Variants in SDK1 observed in about 807,000 individuals in gnomAD.
SDK1 encodes protein sidekick-1.
In SDK1, 157 loss-of-function variants were observed where a neutral mutation model predicts 245.5. That is an observed-to-expected ratio of 0.64 (90% confidence interval 0.56 to 0.73). The LOEUF is 0.73. Ranked by LOEUF, SDK1 falls within the 30% of genes least tolerant of loss-of-function variation. The pLI is 0.00. For missense variants in SDK1, 3,583 were observed against 3,002.3 expected, an observed-to-expected ratio of 1.19 and a Z score of -4.52; for synonymous variants, 1,647 against 1,278.5, an observed-to-expected ratio of 1.29 and a Z score of -6.15.
At chr7:3,520,105 G>C (rs1485127675) in intron 1 of SDK1, among the ~76,000 whole-genome samples, 1 of 152,144 alleles carries the variant, frequency 6.6e-6, no homozygotes, top group Non-Finnish European at 1.5e-5. Context: ...ATTGTGTCAG[G>C]CAAGTAAAAA....
rs566642119 is a variant in SDK1, at chr7:4,204,802, G to A, written c.5099-1077G>A. ...CCCAGGGCCCAGCTCATGGACAGCC[G>A]GGAGAGCCCCAGTGGGAGGAGGGAG... On this transcript the variant is annotated intron_variant, in intron 35 of 44. Coordinates refer to ENST00000404826, the MANE Select transcript of SDK1 (RefSeq NM_152744.4). Among the ~76,000 whole-genome samples the A allele has an allele frequency of 1.6e-4, 24 of 152,320 alleles. No individual in the cohort carries two copies. The South Asian group carries it at 1.9e-3, about 12-fold the overall frequency.
In SDK1 at chr7:3,895,641, T is replaced by TTCC. The variant is rs1191659312; in HGVS notation, c.848-55279_848-55277dup. ...TCCGCTGTCCTGAGGCTTCTTCTTC[T>TTCC]TCCTCTTCTTTTCAAGTTGCGTAAA... On this transcript the variant is annotated intron_variant, in intron 5 of 44. Coordinates refer to ENST00000404826, the MANE Select transcript of SDK1 (RefSeq NM_152744.4). Among the ~76,000 whole-genome samples, 20 of 139,424 alleles carry TTCC rather than the reference T, an allele frequency of 1.4e-4. No individual in the cohort carries two copies. In the East Asian group the frequency reaches 3.4e-3, roughly 23 times the overall value. 91.5% of individuals were successfully genotyped at this position (139,424 alleles called of 152,430 possible).
intron 5 of SDK1, among the ~76,000 whole-genome samples, chr7:3,873,925 C>T (rs890801127): frequency 1.3e-5 from 2 of 152,152 alleles, no homozygotes; most frequent in Non-Finnish European, 2.9e-5. Flanking sequence ...GTCCAAGATA[C>T]ATGTCATGTC....
intron 1 of SDK1, among the ~76,000 whole-genome samples, chr7:3,417,777 T>A (rs1013193294): frequency 2.0e-5 from 3 of 152,142 alleles, no homozygotes; most frequent in African/African-American, 4.8e-5. Context: ...GTGAATAAAA[T>A]AGCAGTGTCC....
At position 3,822,081 on chromosome 7, in the gene SDK1, A is replaced by G. The variant is rs73310035; in HGVS notation, c.847+498A>G. 7.2e-3 allele frequency among the ~76,000 whole-genome samples: 1,103 copies of G among 152,330 alleles called. 12 individuals carry two copies. Among genetic ancestry groups the G allele is most frequent in the African/African-American group, 0.025 (1,030 of 41,586 alleles). On this transcript the variant is annotated intron_variant, in intron 5 of 44. Transcript: ENST00000404826. ...ACTGAAAGCCTGATTCTTGAAGACA[A>G]TGCACACAAATCATGGGTATTTGTC...
rs184848306 is a variant in SDK1 at position 3,329,805 on chromosome 7, G to T, written c.298+27921G>T. 3.9e-3 allele frequency among the ~76,000 whole-genome samples: 590 copies of T among 152,270 alleles called. 19 individuals are homozygous for T. Among genetic ancestry groups the T allele is most frequent in the Admixed American group, 0.036 (545 of 15,302 alleles). ...ACTGAACATATGCACACTTATTTTTGTCATTATTCCCTAACCAATGCAGTA... is the reference window on the plus strand; with the variant it reads ...ACTGAACATATGCACACTTATTTTTTTCATTATTCCCTAACCAATGCAGTA... On this transcript the variant is annotated intron_variant, in intron 1 of 44. Transcript: ENST00000404826.
intron 1 of SDK1, among the ~76,000 whole-genome samples, chr7:3,612,009 A>G (rs771521070): frequency 9.9e-5 from 15 of 152,130 alleles, no homozygotes; most frequent in Non-Finnish European, 1.6e-4. Context: ...GGAAAACCAA[A>G]CATTGTATCT....
intron 22 of SDK1, among the ~76,000 whole-genome samples, chr7:4,092,303 C>T (rs1405782387): frequency 6.6e-6 from 1 of 152,178 alleles, no homozygotes; most frequent in African/African-American, 2.4e-5. Context: ...TCCCTCTGTG[C>T]TCGCCTACCC....
At chr7:4,114,675 C>T (rs976001848) in intron 25 of SDK1, among the ~76,000 whole-genome samples, 4 of 152,082 alleles carry the variant, frequency 2.6e-5, no homozygotes, top group African/African-American at 9.7e-5. Context: ...ATAAATAGGC[C>T]TCTAAAAGTT....
rs139688945 is a variant in SDK1, at chr7:3,723,658, T to TTGTGTGTGTGTGTG, written c.713+81561_713+81574dup. 3.1e-3 allele frequency among the ~76,000 whole-genome samples: 421 copies of TTGTGTGTGTGTGTG among 134,186 alleles called. 10 individuals carry two copies. The highest frequency in any genetic ancestry group is 0.012 in the African/African-American group (399 of 32,954). 88.0% of individuals were successfully genotyped at this position (134,186 alleles called of 152,430 possible). A position where few individuals can be genotyped will look rare whatever the true frequency, so the allele number is the denominator to read the frequency against. On this transcript the variant is annotated intron_variant, in intron 4 of 44. Coordinates refer to ENST00000404826, the MANE Select transcript of SDK1 (RefSeq NM_152744.4). ...ATTTCATTCAGTTAGTAAGTAAAAG[T>TTGTGTGTGTGTGTG]TGTGTGTGTGTGTGTGTGTGTATAC...
intron 1 of SDK1, among the ~76,000 whole-genome samples, chr7:3,398,295 G>T (rs1156826816): frequency 2.0e-5 from 3 of 152,050 alleles, no homozygotes; most frequent in Non-Finnish European, 4.4e-5. Flanking sequence ...TTCTATTAGA[G>T]CCCTGTTGAT....
At chr7:3,557,381 A>G (rs989592703) in intron 1 of SDK1, among the ~76,000 whole-genome samples, 8 of 152,198 alleles carry the variant, frequency 5.3e-5, no homozygotes, top group South Asian at 2.1e-4. Context: ...ATACTCAACC[A>G]GGATGAAATA....
At chr7:4,120,240 G>A (rs1783971077) in intron 25 of SDK1, among the ~76,000 whole-genome samples, 1 of 149,124 alleles carries the variant, frequency 6.7e-6, no homozygotes, top group Non-Finnish European at 1.5e-5. Context: ...AAATTCCAGG[G>A]TTGATGGAAA....
At chr7:4,125,142 T>C (rs1784303124) in intron 25 of SDK1, among the ~76,000 whole-genome samples, 1 of 131,736 alleles carries the variant, frequency 7.6e-6, no homozygotes, top group African/African-American at 3.0e-5. Context: ...AAAGATGGAA[T>C]GATCGATTTA....
intron 4 of SDK1, among the ~76,000 whole-genome samples, chr7:3,794,934 T>TA (rs147994533): frequency 0.038 from 5,580 of 147,354 alleles, 198 homozygotes; most frequent in African/African-American, 0.087. Context: ...GCTTTTTATT[T>TA]AAAAAAAAAA....
intron 5 of SDK1, among the ~76,000 whole-genome samples, chr7:3,887,785 A>G (rs1317265523): frequency 6.6e-6 from 1 of 152,230 alleles, no homozygotes; most frequent in South Asian, 2.1e-4. Context: ...CATCACGGGC[A>G]GTACTCAGCC....
chr7:3,381,686 A>G (rs1287035645), intron 1 of SDK1, among the ~76,000 whole-genome samples: 1 of 152,176 alleles, frequency 6.6e-6, no homozygotes, highest in Non-Finnish European at 1.5e-5. Context: ...TCCACAGCCC[A>G]GGGGATATGC....
intron 4 of SDK1, among the ~76,000 whole-genome samples, chr7:3,691,931 A>T (rs906307747): frequency 1.3e-5 from 2 of 152,046 alleles, no homozygotes; most frequent in Non-Finnish European, 2.9e-5. Flanking sequence ...AGGATTCACT[A>T]TGACCTTGCT....
chr7:3,788,173 G>A (rs1037390002), intron 4 of SDK1, among the ~76,000 whole-genome samples: 20 of 152,092 alleles, frequency 1.3e-4, no homozygotes, highest in African/African-American at 4.8e-4. Context: ...GAGAGTGCTC[G>A]GGCACCAGCT....
Sources: allele counts gnomAD v4.1 joint callset (sites outside exome capture counted in the v4.1 genomes callset), GRCh38; gene constraint gnomAD v4.1.1; transcripts MANE v1.5; gene names NCBI Gene and HGNC (gene_info 2026-07-23, HGNC 2026-07-21).